Variants in ZBTB20 observed in about 807,000 individuals in gnomAD.
ZBTB20 encodes the protein zinc finger and BTB domain-containing protein 20.
ZBTB20 carries 9 observed loss-of-function variants against 56.9 expected under a neutral mutation model. The ratio of observed to expected loss-of-function variants is 0.16; its 90% CI spans 0.10 to 0.28. The LOEUF (loss-of-function observed/expected upper bound fraction) is 0.28. Ranked by LOEUF, ZBTB20 falls within the 10% of genes least tolerant of loss-of-function variation. The probability of loss-of-function intolerance (pLI) is 1.00; values close to 1 mark genes in which losing one functional copy is unlikely to be tolerated. For synonymous variants in ZBTB20, 417 were observed against 420.7 expected (o/e 0.99, Z 0.11); for missense variants, 655 against 1,003.0 (o/e 0.65, Z 4.69).
At chr3:114,976,219 C>T (rs1452517415) in intron 2 of ZBTB20, among the ~76,000 whole-genome samples, 1 of 152,158 alleles carries the variant, frequency 6.6e-6, no homozygotes, top group Admixed American at 6.5e-5. Context: ...GATAATGACA[C>T]TGAGAGTTAC....
At chr3:115,105,710 T>C (rs1056829338) in intron 1 of ZBTB20, among the ~76,000 whole-genome samples, 26 of 152,328 alleles carry the variant, frequency 1.7e-4, no homozygotes, top group African/African-American at 4.6e-4. Flanking sequence ...CAAATAATTG[T>C]TTAAAGAACT....
intron 5 of ZBTB20, among the ~76,000 whole-genome samples, chr3:114,698,549 C>G (rs1393709697): frequency 6.6e-6 from 1 of 152,010 alleles, no homozygotes; most frequent in Non-Finnish European, 1.5e-5. Context: ...CAGGTCCTTC[C>G]TGTACCTGAG....
At chr3:114,749,866 T>C (rs1372985124) in intron 5 of ZBTB20, among the ~76,000 whole-genome samples, 1 of 152,178 alleles carries the variant, frequency 6.6e-6, no homozygotes, top group East Asian at 1.9e-4. Flanking sequence ...AAGAATTAAA[T>C]GTAAAATGCT....
At chr3:114,433,413 G>A (rs969648381) in intron 7 of ZBTB20, among the ~76,000 whole-genome samples, 4 of 152,184 alleles carry the variant, frequency 2.6e-5, no homozygotes, top group African/African-American at 9.6e-5. Context: ...ATGTGCAAAT[G>A]TCAAGAGTGG....
At chr3:114,408,152 G>A (rs73857604) in intron 7 of ZBTB20, among the ~76,000 whole-genome samples, 91 of 152,160 alleles carry the variant, frequency 6.0e-4, no homozygotes, top group African/African-American at 2.1e-3. Flanking sequence ...CTAGAGTTAC[G>A]TTTTTACCCA....
chr3:114,566,450 T>C (rs777213873), intron 6 of ZBTB20, among the ~76,000 whole-genome samples: 10 of 152,202 alleles, frequency 6.6e-5, no homozygotes, highest in Non-Finnish European at 1.0e-4. Context: ...GCAAGGACTG[T>C]AGTTGCTACT....
intron 1 of ZBTB20, among the ~76,000 whole-genome samples, chr3:115,132,451 A>C (rs2084534101): frequency 6.6e-6 from 1 of 152,190 alleles, no homozygotes; most frequent in Non-Finnish European, 1.5e-5. Context: ...TTTAGACCAT[A>C]TATCATCAGC....
chr3:114,568,982 G>T (rs1422277423), intron 6 of ZBTB20, among the ~76,000 whole-genome samples: 1 of 152,114 alleles, frequency 6.6e-6, no homozygotes, highest in Admixed American at 6.5e-5. Flanking sequence ...CTTCCCCTGA[G>T]TAACACCCTG....
intron 7 of ZBTB20, among the ~76,000 whole-genome samples, chr3:114,463,586 G>A (rs7647708): frequency 0.22 from 32,938 of 152,074 alleles, 5,827 homozygotes; most frequent in African/African-American, 0.49. Flanking sequence ...CATAGCATCC[G>A]AAGCTGGTAT....
At chr3:114,579,089 A>G (rs763616778) in intron 6 of ZBTB20, among the ~76,000 whole-genome samples, 5 of 151,964 alleles carry the variant, frequency 3.3e-5, no homozygotes, top group African/African-American at 1.2e-4. Flanking sequence ...TTTCTTAGAA[A>G]AATACACAGT....
Position 114,704,964 on chromosome 3 carries a change from C to G in ZBTB20, c.-342-11389G>C, listed in dbSNP as rs1340462582. Among the ~76,000 whole-genome samples the G allele has an allele frequency of 2.0e-5, 3 of 152,110 alleles. No homozygotes were observed. In the South Asian group the frequency reaches 6.2e-4, roughly 32 times the overall value. The stretch of plus-strand genomic sequence containing the variant: ...TAAACAAACAACATTCACTCAGGGT[C>G]AGGCACTGTTCTAAATATTCTATAT... On this transcript the variant is annotated intron_variant, in intron 5 of 11. Coordinates refer to ENST00000675478, the MANE Select transcript of ZBTB20 (RefSeq NM_001348800.3).
chr3:114,901,418 C>T (rs2075113855), intron 3 of ZBTB20, among the ~76,000 whole-genome samples: 1 of 152,034 alleles, frequency 6.6e-6, no homozygotes, highest in South Asian at 2.1e-4. Flanking sequence ...TTGATGATGG[C>T]TCAATAAAAC....
chr3:114,512,383 C>T lies in ZBTB20; in HGVS notation c.-294-11992G>A, dbSNP rs1381553051. Among the ~76,000 whole-genome samples the T allele has an allele frequency of 2.0e-5, 3 of 152,124 alleles. No individual in the cohort carries two copies. The East Asian group carries it at 5.8e-4, about 29-fold the overall frequency. On this transcript the variant is annotated intron_variant, in intron 6 of 11. Coordinates refer to ENST00000675478, the MANE Select transcript of ZBTB20 (RefSeq NM_001348800.3). Reference sequence around the variant, plus strand: ...TTTCCCGAGTCTATTATTGATTACTCTGCCAACTGGATTCTACTTCTGCCC... The same window carrying T: ...TTTCCCGAGTCTATTATTGATTACTTTGCCAACTGGATTCTACTTCTGCCC...
intron 7 of ZBTB20, among the ~76,000 whole-genome samples, chr3:114,417,872 C>A (rs1402650185): frequency 2.0e-5 from 3 of 152,052 alleles, no homozygotes; most frequent in African/African-American, 4.8e-5. Context: ...TGCCAAGAAA[C>A]TAATGATGCA....
chr3:114,664,754 C>T (rs549999953), intron 6 of ZBTB20, among the ~76,000 whole-genome samples: 8 of 151,686 alleles, frequency 5.3e-5, no homozygotes, highest in African/African-American at 1.7e-4. Context: ...TGTGTAATAT[C>T]ACAAAGAAAA....
chr3:114,350,726 C>T lies in ZBTB20; in HGVS notation c.1352G>A (p.Ser451Asn). ...CTGTTGTAGGACGCTCTTGTCGGAGCTGTTGCTGACAGTGATAACAGTGCT... is the reference window on the plus strand; with the variant it reads ...CTGTTGTAGGACGCTCTTGTCGGAGTTGTTGCTGACAGTGATAACAGTGCT... Reference protein sequence around the residue: ...MDSTVITVSNSSDKSVLQQPS... With the variant: ...MDSTVITVSNNSDKSVLQQPS... Residue 451 changes from serine (S) to asparagine (N), a missense_variant, in exon 11 of 12, where the codon AGC (serine) becomes AAC (asparagine). Around this residue, in one of 10 missense-constraint regions of ZBTB20, gnomAD observed 156 missense variants for 181.0 expected, o/e 0.86. Coordinates refer to ENST00000675478, the MANE Select transcript of ZBTB20 (RefSeq NM_001348800.3). The T allele has an allele frequency of 6.2e-7, 1 of 1,614,216 alleles. No homozygotes were observed. The highest frequency in any genetic ancestry group is 8.5e-7 in the Non-Finnish European group (1 of 1,180,032).
chr3:114,577,731 A>C (rs986750955), intron 6 of ZBTB20, among the ~76,000 whole-genome samples: 1 of 152,222 alleles, frequency 6.6e-6, no homozygotes, highest in Non-Finnish European at 1.5e-5. Flanking sequence ...CTGGGGAAAC[A>C]GCTTATATAG....
intron 6 of ZBTB20, among the ~76,000 whole-genome samples, chr3:114,629,121 A>C (rs2058796203): frequency 6.6e-6 from 1 of 152,186 alleles, no homozygotes; most frequent in Non-Finnish European, 1.5e-5. Context: ...GTTAAGATTC[A>C]GGGCTCATAG....
At chr3:114,407,489 T>C (rs1258310135) in intron 7 of ZBTB20, among the ~76,000 whole-genome samples, 1 of 152,190 alleles carries the variant, frequency 6.6e-6, no homozygotes, top group Non-Finnish European at 1.5e-5. Context: ...CTCCCTTGAT[T>C]TCCTCCAGCA....
Sources: allele counts gnomAD v4.1 joint callset (sites outside exome capture counted in the v4.1 genomes callset), GRCh38; gene constraint gnomAD v4.1.1; regional missense constraint gnomAD v4.1.1; transcripts MANE v1.5; gene names NCBI Gene and HGNC (gene_info 2026-07-23, HGNC 2026-07-21).